CPNE8: variants seen among roughly 807,000 people sequenced by gnomAD.
CPNE8 encodes copine 8, also known as copine-8.
A neutral mutation model predicts 81.5 loss-of-function variants in CPNE8; 45 were observed. That is an observed-to-expected ratio of 0.55 (90% confidence interval 0.44 to 0.71). The LOEUF is 0.71. CPNE8 is among the 30% of genes least tolerant of loss of function. CPNE8 has a pLI of 0.00. For missense variants in CPNE8, 594 were observed against 672.1 expected, an observed-to-expected ratio of 0.88 and a Z score of 1.28; for synonymous variants, 252 against 226.3, an observed-to-expected ratio of 1.11 and a Z score of -1.02.
intron 6 of CPNE8, among the ~76,000 whole-genome samples, chr12:38,796,065 A>G (rs1014421787): frequency 6.6e-6 from 1 of 152,210 alleles, no homozygotes; most frequent in Non-Finnish European, 1.5e-5. Context: ...GTTAGAGACC[A>G]GCCTGGTCAA....
intron 1 of CPNE8, among the ~76,000 whole-genome samples, chr12:38,880,313 T>C (rs2137119786): frequency 6.6e-6 from 1 of 152,376 alleles, no homozygotes; most frequent in Non-Finnish European, 1.5e-5. Flanking sequence ...TTACCAAATG[T>C]TGCTTAGGCA....
At chr12:38,800,185 G>C (rs1942624361) in intron 6 of CPNE8, among the ~76,000 whole-genome samples, 1 of 115,384 alleles carries the variant, frequency 8.7e-6, no homozygotes, top group Non-Finnish European at 2.0e-5. Context: ...TGCCTCTGTA[G>C]GCTCCACCTC....
At chr12:38,760,935 A>G (rs755770306) in intron 9 of CPNE8, 47 bp from the exon 10 acceptor site, 2 of 1,317,870 alleles carry the variant, frequency 1.5e-6, no homozygotes, top group Admixed American at 2.5e-5. Flanking sequence ...GTAAGATCAA[A>G]ATAATGTATG....
At chr12:38,706,769 C>T (rs1202971247) in intron 13 of CPNE8, among the ~76,000 whole-genome samples, 1 of 152,106 alleles carries the variant, frequency 6.6e-6, no homozygotes, top group African/African-American at 2.4e-5. Flanking sequence ...CAATGCTTTC[C>T]ACATATTGAA....
chr12:38,849,115 T>C (rs891303338), intron 3 of CPNE8, among the ~76,000 whole-genome samples: 1 of 152,182 alleles, frequency 6.6e-6, no homozygotes, highest in Non-Finnish European at 1.5e-5. Context: ...TTAGCCATGT[T>C]TTGGGGAGAA....
At chr12:38,904,840 G>T (rs1318584553) in intron 1 of CPNE8, among the ~76,000 whole-genome samples, 1 of 152,050 alleles carries the variant, frequency 6.6e-6, no homozygotes, top group Non-Finnish European at 1.5e-5. Flanking sequence ...CAAAAGTCGT[G>T]ACTTCCCAGA....
chr12:38,807,060 C>G (rs1449358731), intron 6 of CPNE8, among the ~76,000 whole-genome samples: 1 of 152,126 alleles, frequency 6.6e-6, no homozygotes, highest in East Asian at 1.9e-4. Context: ...TGAAGGACCT[C>G]TTCCAGGAGA....
At chr12:38,874,563 A>G (rs1479892331) in intron 1 of CPNE8, 52 bp from the exon 2 acceptor site, 3 of 1,149,306 alleles carry the variant, frequency 2.6e-6, no homozygotes, top group Non-Finnish European at 3.9e-6. Flanking sequence ...AAATATTTAT[A>G]TTTATATAGA....
At chr12:38,705,673 C>T (rs1157157558) in intron 13 of CPNE8, among the ~76,000 whole-genome samples, 1 of 152,064 alleles carries the variant, frequency 6.6e-6, no homozygotes, top group Non-Finnish European at 1.5e-5. Flanking sequence ...CACATTGCTT[C>T]GTCATGCTGT....
intron 1 of CPNE8, among the ~76,000 whole-genome samples, chr12:38,897,198 C>G (rs1403135246): frequency 6.6e-6 from 1 of 152,084 alleles, no homozygotes; most frequent in African/African-American, 2.4e-5. Flanking sequence ...CTAAATGCAA[C>G]ATTCTTATGG....
In CPNE8 at chr12:38,807,447, G is replaced by A. The variant is rs183003587; in HGVS notation, c.407+21932C>T. Among the ~76,000 whole-genome samples, 159 of 151,944 alleles carry A rather than the reference G, an allele frequency of 1.0e-3. 1 individual carries two copies. The highest frequency in any genetic ancestry group is 3.5e-3 in the African/African-American group (146 of 41,428). On this transcript the variant is annotated intron_variant, in intron 6 of 19. Coordinates refer to ENST00000331366, the MANE Select transcript of CPNE8 (RefSeq NM_153634.3). The stretch of plus-strand genomic sequence containing the variant: ...GAACAGAGCCCTCAGAAATAACACT[G>A]CATGTCTACAACTATCTGATCTTTG...
At position 38,843,002 on chromosome 12, in the gene CPNE8, T is replaced by C. The variant is rs183055868; in HGVS notation, c.291-3047A>G. On this transcript the variant is annotated intron_variant, in intron 4 of 19. Transcript: ENST00000331366. ...CTACATCCTAACTGGTTACAATGTA[T>C]ACGTGTACCTGTGTATCTGTTTATA... Among the ~76,000 whole-genome samples the C allele has an allele frequency of 8.6e-3, 1,313 of 152,350 alleles. 5 individuals are homozygous for C. The highest frequency in any genetic ancestry group is 0.014 in the Non-Finnish European group (949 of 68,028).
At chr12:38,845,651 C>G (rs1314229301) in intron 4 of CPNE8, among the ~76,000 whole-genome samples, 1 of 151,864 alleles carries the variant, frequency 6.6e-6, no homozygotes, top group Non-Finnish European at 1.5e-5. Context: ...TCCACATTTA[C>G]TTATGTAGAT....
At chr12:38,784,493 A>G (rs529023612) in intron 6 of CPNE8, among the ~76,000 whole-genome samples, 1 of 152,304 alleles carries the variant, frequency 6.6e-6, no homozygotes, top group Admixed American at 6.5e-5. Flanking sequence ...CCAGACCTAG[A>G]GAAAGATACC....
chr12:38,881,931 G>C (rs1309696160), intron 1 of CPNE8, among the ~76,000 whole-genome samples: 1 of 152,156 alleles, frequency 6.6e-6, no homozygotes. Flanking sequence ...CTGAGAGCAG[G>C]ATATGGGTCT....
At chr12:38,758,349 AAT>A (rs56106313) in intron 10 of CPNE8, among the ~76,000 whole-genome samples, 103,201 of 151,908 alleles carry the variant, frequency 0.68, 39,133 homozygotes, top group Non-Finnish European at 0.88. Flanking sequence ...TTTTCCAGAC[AAT>A]ATACAATTTC....
At chr12:38,707,662 T>C (rs1324413769) in intron 13 of CPNE8, among the ~76,000 whole-genome samples, 1 of 152,224 alleles carries the variant, frequency 6.6e-6, no homozygotes, top group Non-Finnish European at 1.5e-5. Flanking sequence ...GCATATTTGA[T>C]GACTGATTGA....
At chr12:38,655,986 C>T (rs753520475) in intron 19 of CPNE8, among the ~76,000 whole-genome samples, 16 of 130,592 alleles carry the variant, frequency 1.2e-4, no homozygotes, top group South Asian at 4.9e-4. Flanking sequence ...AAAAAAAAAA[C>T]TAACAATAAA....
At chr12:38,840,738 T>C (rs956546777) in intron 4 of CPNE8, among the ~76,000 whole-genome samples, 8 of 152,168 alleles carry the variant, frequency 5.3e-5, no homozygotes, top group African/African-American at 1.9e-4. Context: ...CATATTTACA[T>C]AAGACTACCA....
Sources: allele counts gnomAD v4.1 joint callset (sites outside exome capture counted in the v4.1 genomes callset), GRCh38; gene constraint gnomAD v4.1.1; transcripts MANE v1.5; gene names NCBI Gene and HGNC (gene_info 2026-07-23, HGNC 2026-07-21).